Variants in TTC28 observed in about 807,000 individuals in gnomAD.
TTC28 encodes the protein tetratricopeptide repeat domain 28.
TTC28 carries 61 observed loss-of-function variants against 198.0 expected under a neutral mutation model. The observed-to-expected ratio is 0.31, with a 90% confidence interval of 0.25 to 0.38. The LOEUF is 0.38. Ranked by LOEUF, TTC28 falls within the 10% of genes least tolerant of loss-of-function variation. The pLI, the probability that TTC28 is intolerant of heterozygous loss-of-function variation, is 1.00. For synonymous variants in TTC28, 1,171 were observed against 1,297.8 expected, an observed-to-expected ratio of 0.90 and a Z score of 2.10; for missense variants, 2,678 against 3,164.0, an observed-to-expected ratio of 0.85 and a Z score of 3.69.
rs1398389903 is a variant in TTC28 at position 28,416,144 on chromosome 22, A to G, written c.382-109501T>C. Among the ~76,000 whole-genome samples, 4 of 152,174 alleles carry G rather than the reference A, an allele frequency of 2.6e-5. No homozygotes were observed. In the East Asian group the frequency reaches 7.7e-4, roughly 29 times the overall value. ...TTTTCTTTACACTGAACTCTAAAAA[A>G]CACATTGGAGAAGCCAATCTCATGG... On this transcript the variant is annotated intron_variant, in intron 2 of 22. Coordinates refer to ENST00000397906, the MANE Select transcript of TTC28 (RefSeq NM_001145418.2).
chr22:27,997,946 T>C (rs1457995792), intron 16 of TTC28: 2 of 153,066 alleles, frequency 1.3e-5, no homozygotes, highest in Non-Finnish European at 2.9e-5. Context: ...ATCTCCCCTG[T>C]GACCAGATGT....
intron 14 of TTC28, among the ~76,000 whole-genome samples, 159 bp downstream of exon 14, chr22:28,014,089 A>G (rs1280399074): frequency 2.0e-5 from 3 of 152,122 alleles, no homozygotes. Context: ...TATTTTTCAA[A>G]TGCTCACTGA....
At chr22:28,545,915 T>C (rs1219106295) in intron 2 of TTC28, among the ~76,000 whole-genome samples, 6 of 152,204 alleles carry the variant, frequency 3.9e-5, no homozygotes, top group African/African-American at 1.4e-4. Context: ...AATTAATCAA[T>C]AGAATTCAAT....
intron 5 of TTC28, among the ~76,000 whole-genome samples, chr22:28,263,269 AAT>A (rs1370692522): frequency 6.6e-6 from 1 of 152,178 alleles, no homozygotes; most frequent in East Asian, 1.9e-4. Flanking sequence ...AGGCCTCTGA[AAT>A]ATGTTTTAAT....
intron 2 of TTC28, among the ~76,000 whole-genome samples, chr22:28,385,367 G>C (rs2046563019): frequency 6.7e-6 from 1 of 150,232 alleles, no homozygotes; most frequent in African/African-American, 2.4e-5. Flanking sequence ...CAAGTAGCTA[G>C]GATTACAAGG....
rs138678 is a variant in TTC28 at position 28,015,419 on chromosome 22, TAAAAAA to T, written c.4074-1033_4074-1028del. Among the ~76,000 whole-genome samples, 178 of 109,684 alleles carry T rather than the reference TAAAAAA, an allele frequency of 1.6e-3. 2 individuals carry two copies. In the East Asian group the frequency reaches 0.024, roughly 15 times the overall value. 72.0% of individuals were successfully genotyped at this position (109,684 alleles called of 152,430 possible). On this transcript the variant is annotated intron_variant, in intron 13 of 22. Coordinates refer to ENST00000397906, the MANE Select transcript of TTC28 (RefSeq NM_001145418.2). ...TCATCCTTCCTGTAGGAGATAGCTT[TAAAAAA>T]AAAAAAAAAAAAAAAAAGACAAATT... is the stretch of plus-strand genomic sequence containing the variant.
At chr22:28,364,062 G>A (rs961874745) in intron 2 of TTC28, among the ~76,000 whole-genome samples, 10 of 152,148 alleles carry the variant, frequency 6.6e-5, no homozygotes, top group African/African-American at 2.2e-4. Flanking sequence ...TAGGACATGA[G>A]ACCTGGGAGG....
At chr22:28,164,389 C>A (rs956384789) in intron 5 of TTC28, among the ~76,000 whole-genome samples, 2 of 152,174 alleles carry the variant, frequency 1.3e-5, no homozygotes. Flanking sequence ...CTGGGAGGCA[C>A]CCTCCAGTAG....
chr22:28,656,996 G>A (rs1161453753), intron 1 of TTC28, among the ~76,000 whole-genome samples: 1 of 152,114 alleles, frequency 6.6e-6, no homozygotes, highest in Admixed American at 6.6e-5. Flanking sequence ...CGTATTGCCT[G>A]ATACTTTATT....
chr22:28,017,554 T>C (rs1938422696), intron 13 of TTC28, among the ~76,000 whole-genome samples: 1 of 151,686 alleles, frequency 6.6e-6, no homozygotes, highest in Non-Finnish European at 1.5e-5. Flanking sequence ...AGGAACAACA[T>C]AGGGAAATAG....
At chr22:28,325,749 A>G (rs2045519021) in intron 2 of TTC28, among the ~76,000 whole-genome samples, 1 of 152,184 alleles carries the variant, frequency 6.6e-6, no homozygotes, top group South Asian at 2.1e-4. Flanking sequence ...GATGTTCAAA[A>G]TCATTAGCCA....
chr22:28,501,399 G>A (rs1248742217), intron 2 of TTC28, among the ~76,000 whole-genome samples: 1 of 152,102 alleles, frequency 6.6e-6, no homozygotes, highest in East Asian at 1.9e-4. Flanking sequence ...ACGTGTGAAG[G>A]GAACTGTGAT....
intron 5 of TTC28, among the ~76,000 whole-genome samples, chr22:28,221,997 T>A (rs1927911433): frequency 6.6e-6 from 1 of 152,186 alleles, no homozygotes; most frequent in Non-Finnish European, 1.5e-5. Flanking sequence ...AGGAAGTAGT[T>A]AAATAACGCT....
chr22:28,206,677 T>C (rs891359403), intron 5 of TTC28, among the ~76,000 whole-genome samples: 1 of 152,140 alleles, frequency 6.6e-6, no homozygotes, highest in Non-Finnish European at 1.5e-5. Context: ...TAGGGTTTCA[T>C]GAACAAAAGA....
intron 1 of TTC28, among the ~76,000 whole-genome samples, chr22:28,635,149 A>G (rs938842100): frequency 1.3e-5 from 2 of 151,892 alleles, no homozygotes; most frequent in African/African-American, 2.4e-5. Context: ...GTGAAACCCC[A>G]TCTCTACTAA....
In TTC28 at chr22:27,978,874, T is replaced by G. The variant is rs1485970691; in HGVS notation, c.*3347A>C. The G allele has an allele frequency of 3.3e-5, 5 of 152,260 alleles. No individual in the cohort carries two copies. Among genetic ancestry groups the G allele is most frequent in the Non-Finnish European group, 7.3e-5 (5 of 68,056 alleles). 9.4% of individuals were successfully genotyped at this position (152,260 alleles called of 1,614,324 possible). A position where few individuals can be genotyped will look rare whatever the true frequency, so the allele number is the denominator to read the frequency against. ...TTGTACGGCTTATAGTCATTGTATT[T>G]ACATCTGATGGAGTAGCAGAGGGTG... On this transcript the variant is annotated 3_prime_UTR_variant, in exon 23 of 23. Coordinates refer to ENST00000397906, the MANE Select transcript of TTC28 (RefSeq NM_001145418.2).
chr22:28,000,209 T>C (rs1160630688), intron 15 of TTC28: 1 of 152,222 alleles, frequency 6.6e-6, no homozygotes, highest in Non-Finnish European at 1.5e-5. Flanking sequence ...TTCTTTCACT[T>C]TGAACTGATT....
At chr22:28,024,730 T>A (rs1938754944) in intron 13 of TTC28, among the ~76,000 whole-genome samples, 1 of 152,184 alleles carries the variant, frequency 6.6e-6, no homozygotes, top group Non-Finnish European at 1.5e-5. Flanking sequence ...TTGAGGCTGT[T>A]GATAGGCATC....
chr22:28,428,930 G>A lies in TTC28; in HGVS notation c.382-122287C>T, dbSNP rs190828560. On this transcript the variant is annotated intron_variant, in intron 2 of 22. Transcript: ENST00000397906. The stretch of plus-strand genomic sequence containing the variant: ...GCTGGGATTACAGGCATGAGCCACC[G>A]CGCCCAGCCCATTTCATGAATTATT... Among the ~76,000 whole-genome samples the A allele has an allele frequency of 2.7e-3, 410 of 152,080 alleles. 1 individual carries two copies. Among genetic ancestry groups the A allele is most frequent in the Non-Finnish European group, 2.8e-3 (192 of 68,018 alleles).
Sources: gnomAD v4.1 joint callset for allele counts (sites outside exome capture counted in the v4.1 genomes callset) on GRCh38, gnomAD v4.1.1 for gene constraint, MANE v1.5 for transcripts, NCBI Gene and HGNC (gene_info 2026-07-23, HGNC 2026-07-21) for gene names.